GPC5: variants seen among roughly 807,000 people sequenced by gnomAD.
GPC5 encodes glypican-5.
Under a neutral mutation model 53.9 loss-of-function variants are expected in GPC5, and 47 were observed. The observed-to-expected ratio is 0.87, with a 90% confidence interval of 0.69 to 1.11. The LOEUF (loss-of-function observed/expected upper bound fraction) is 1.11, where lower values mean the gene tolerates loss of function less well. Among genes scored for constraint, GPC5 ranks in the 50% most tolerant of loss-of-function variants. GPC5 has a pLI of 0.00. For missense variants in GPC5, 748 were observed against 713.1 expected, an observed-to-expected ratio of 1.05 and a Z score of -0.56; for synonymous variants, 286 against 263.3, an observed-to-expected ratio of 1.09 and a Z score of -0.84.
At chr13:91,618,590 G>A (rs986075839) in intron 2 of GPC5, among the ~76,000 whole-genome samples, 2 of 152,058 alleles carry the variant, frequency 1.3e-5, no homozygotes. Flanking sequence ...AGAGGTTTTT[G>A]AGAGTAAGCT....
At chr13:92,125,683 C>T (rs2138952930) in intron 6 of GPC5, among the ~76,000 whole-genome samples, 1 of 152,174 alleles carries the variant, frequency 6.6e-6, no homozygotes. Context: ...ATTGATTTAA[C>T]AATTACTTTC....
intron 7 of GPC5, among the ~76,000 whole-genome samples, chr13:92,806,175 C>T (rs935238311): frequency 2.6e-5 from 4 of 152,092 alleles, no homozygotes; most frequent in Non-Finnish European, 5.9e-5. Flanking sequence ...CTGCTTCAAC[C>T]TTGCACTTTT....
intron 6 of GPC5, among the ~76,000 whole-genome samples, chr13:92,026,753 C>A (rs916517873): frequency 3.3e-5 from 5 of 152,004 alleles, no homozygotes; most frequent in African/African-American, 1.2e-4. Context: ...TAGTTGGAAA[C>A]ACTGTATTGG....
chr13:92,760,453 C>G (rs955642942), intron 7 of GPC5, among the ~76,000 whole-genome samples: 2 of 152,004 alleles, frequency 1.3e-5, no homozygotes. Context: ...TATCAAATAT[C>G]TTCACATGCA....
At chr13:92,439,034 C>G (rs1454442125) in intron 7 of GPC5, among the ~76,000 whole-genome samples, 1 of 152,078 alleles carries the variant, frequency 6.6e-6, no homozygotes, top group Non-Finnish European at 1.5e-5. Flanking sequence ...CTAGAGAAAT[C>G]CATGTGACAA....
In GPC5 at chr13:92,084,880, A is replaced by G. The variant is rs141390339; in HGVS notation, c.1402-59950A>G. ...ATAAGAAAACACGTTAGACAGGATA[A>G]TTTAGACAATTATAAAACAGAAATA... On this transcript the variant is annotated intron_variant, in intron 6 of 7. Transcript: ENST00000377067. Among the ~76,000 whole-genome samples the G allele has an allele frequency of 1.7e-4, 26 of 152,322 alleles. No homozygotes were observed. In the East Asian group the frequency reaches 5.0e-3, roughly 29 times the overall value.
intron 2 of GPC5, among the ~76,000 whole-genome samples, chr13:91,496,144 T>G (rs1436273394): frequency 3.3e-5 from 5 of 150,426 alleles, no homozygotes; most frequent in African/African-American, 1.2e-4. Flanking sequence ...TAAAAACAAT[T>G]GCATTATGCA....
At chr13:92,167,054 C>T (rs564600646) in intron 7 of GPC5, among the ~76,000 whole-genome samples, 6 of 151,018 alleles carry the variant, frequency 4.0e-5, no homozygotes, top group East Asian at 1.9e-4. Flanking sequence ...TAATGGAATT[C>T]GTTTGTAGGG....
At chr13:92,297,145 G>A (rs1306348308) in intron 7 of GPC5, among the ~76,000 whole-genome samples, 2 of 152,256 alleles carry the variant, frequency 1.3e-5, no homozygotes, top group African/African-American at 2.4e-5. Context: ...TGGTGGGGAT[G>A]TGGAGAGTCT....
At chr13:92,042,434 G>A (rs2040949028) in intron 6 of GPC5, among the ~76,000 whole-genome samples, 1 of 151,992 alleles carries the variant, frequency 6.6e-6, no homozygotes, top group African/African-American at 2.4e-5. Flanking sequence ...ACCAATAAGT[G>A]GAATGTGATA....
chr13:92,227,089 TC>T (rs1212720602), intron 7 of GPC5, among the ~76,000 whole-genome samples: 4 of 152,196 alleles, frequency 2.6e-5, no homozygotes, highest in African/African-American at 9.6e-5. Flanking sequence ...TTCCTTGTCT[TC>T]CTTCTGCCCC....
chr13:92,745,612 C>T (rs549630012), intron 7 of GPC5, among the ~76,000 whole-genome samples: 19 of 152,158 alleles, frequency 1.2e-4, no homozygotes, highest in African/African-American at 4.1e-4. Flanking sequence ...ATAGCATTTA[C>T]TTATAAGTCC....
intron 7 of GPC5, among the ~76,000 whole-genome samples, chr13:92,292,606 T>C (rs1457386661): frequency 1.3e-5 from 2 of 152,192 alleles, no homozygotes; most frequent in Non-Finnish European, 2.9e-5. Context: ...AAGGTTTTTT[T>C]CCCACTCTGT....
chr13:92,169,018 T>C (rs2042050887), intron 7 of GPC5, among the ~76,000 whole-genome samples: 1 of 152,158 alleles, frequency 6.6e-6, no homozygotes, highest in Non-Finnish European at 1.5e-5. Context: ...AACAAGATCA[T>C]GTCCTTAGCA....
intron 7 of GPC5, among the ~76,000 whole-genome samples, chr13:92,468,395 G>A (rs1324520631): frequency 6.6e-6 from 1 of 152,126 alleles, no homozygotes; most frequent in African/African-American, 2.4e-5. Flanking sequence ...TGCAGATTTA[G>A]AGAGCCTGTT....
chr13:92,244,805 C>T lies in GPC5; in HGVS notation c.1561+99816C>T, dbSNP rs188352732. Among the ~76,000 whole-genome samples the T allele has an allele frequency of 3.0e-3, 449 of 152,024 alleles. 1 individual carries two copies. The highest frequency in any genetic ancestry group is 5.0e-3 in the Non-Finnish European group (342 of 67,980). ...CTGTAATCCCAGCAGTTTGGGAGGC[C>T]GAGGTGGGTGGATCACGAGGTCAAA... On this transcript the variant is annotated intron_variant, in intron 7 of 7. Coordinates refer to ENST00000377067, the MANE Select transcript of GPC5 (RefSeq NM_004466.6).
intron 6 of GPC5, among the ~76,000 whole-genome samples, chr13:92,023,301 G>A (rs957070147): frequency 6.6e-6 from 1 of 151,926 alleles, no homozygotes; most frequent in African/African-American, 2.4e-5. Context: ...CAGAAGTTAA[G>A]CAAAAGGATC....
At position 92,620,944 on chromosome 13, in the gene GPC5, T is replaced by C. The variant is rs540265334; in HGVS notation, c.1562-245338T>C. 1.1e-3 allele frequency among the ~76,000 whole-genome samples: 169 copies of C among 152,320 alleles called. 1 individual carries two copies. Among genetic ancestry groups the C allele is most frequent in the Non-Finnish European group, 1.9e-3 (132 of 68,020 alleles). On this transcript the variant is annotated intron_variant, in intron 7 of 7. Transcript: ENST00000377067. The stretch of plus-strand genomic sequence containing the variant: ...GTGCTCAGGCATGAATTTATAGTGT[T>C]ATTTTGAAAGACTAAATATTCCAAT...
At chr13:92,345,846 A>C (rs2043407013) in intron 7 of GPC5, among the ~76,000 whole-genome samples, 1 of 152,198 alleles carries the variant, frequency 6.6e-6, no homozygotes, top group Admixed American at 6.5e-5. Context: ...GGTCAGATAG[A>C]AACAAAGGAG....
Sources: allele counts gnomAD v4.1 joint callset (sites outside exome capture counted in the v4.1 genomes callset), GRCh38; gene constraint gnomAD v4.1.1; transcripts MANE v1.5; gene names NCBI Gene and HGNC (gene_info 2026-07-23, HGNC 2026-07-21).